Variants in NUP210L observed in about 807,000 individuals in gnomAD.
The protein encoded by NUP210L is nuclear pore membrane glycoprotein 210-like.
Under a neutral mutation model 208.5 loss-of-function variants are expected in NUP210L, and 74 were observed. That is an observed-to-expected ratio of 0.35 (90% CI 0.29 to 0.43). The LOEUF is 0.43. Among genes scored for constraint, NUP210L ranks in the 20% least tolerant of loss-of-function variants. The probability of loss-of-function intolerance (pLI) is 1.00; values close to 1 mark genes in which losing one functional copy is unlikely to be tolerated. For synonymous variants in NUP210L, 780 were observed against 816.9 expected, an observed-to-expected ratio of 0.95 and a Z score of 0.77; for missense variants, 1,843 against 2,289.4, an observed-to-expected ratio of 0.81 and a Z score of 3.98.
At chr1:153,994,053 G>GT (rs1186827233) in intron 38 of NUP210L, among the ~76,000 whole-genome samples, 1 of 149,790 alleles carries the variant, frequency 6.7e-6, no homozygotes, top group African/African-American at 2.5e-5. Context: ...TAATTTTAAA[G>GT]TTTTTTTGTA....
intron 27 of NUP210L, among the ~76,000 whole-genome samples, chr1:154,033,290 G>A (rs1652359550): frequency 6.6e-6 from 1 of 152,160 alleles, no homozygotes; most frequent in Non-Finnish European, 1.5e-5. Flanking sequence ...GGTTGCCCAT[G>A]TTTGTGGGGT....
At chr1:154,029,658 C>A (rs1252582806) in intron 28 of NUP210L, among the ~76,000 whole-genome samples, 1 of 152,080 alleles carries the variant, frequency 6.6e-6, no homozygotes, top group African/African-American at 2.4e-5. Flanking sequence ...CCATTGCACT[C>A]CAGCCTTGGC....
intron 10 of NUP210L, among the ~76,000 whole-genome samples, chr1:154,122,771 T>G (rs1571300108): frequency 6.6e-6 from 1 of 151,738 alleles, no homozygotes; most frequent in Non-Finnish European, 1.5e-5. Flanking sequence ...AGTATGGCAG[T>G]TCCAGGGCCA....
chr1:154,003,879 C>T (rs1281060230), intron 35 of NUP210L, among the ~76,000 whole-genome samples: 1 of 152,086 alleles, frequency 6.6e-6, no homozygotes, highest in East Asian at 1.9e-4. Context: ...GACATCTGCC[C>T]CTTCTTAGTA....
At chr1:154,140,350 CAAA>C (rs375907073) in intron 4 of NUP210L, among the ~76,000 whole-genome samples, 13 of 71,482 alleles carry the variant, frequency 1.8e-4, no homozygotes, top group Admixed American at 5.1e-4. Context: ...GACTCCGTCT[CAAA>C]AAAAAAAAAA....
chr1:154,135,620 A>G (rs915290661), intron 7 of NUP210L, among the ~76,000 whole-genome samples, 194 bp downstream of exon 7: 2 of 151,834 alleles, frequency 1.3e-5, no homozygotes, highest in African/African-American at 4.8e-5. Context: ...TCAGGGTTTC[A>G]CCGTGTTAGC....
chr1:154,073,234 T>C (rs572155655), intron 16 of NUP210L, among the ~76,000 whole-genome samples: 2 of 152,186 alleles, frequency 1.3e-5, no homozygotes, highest in African/African-American at 4.8e-5. Context: ...ATCACCTTAC[T>C]GCTGCAAGAA....
At chr1:154,023,990 C>T (rs562093247) in intron 30 of NUP210L, among the ~76,000 whole-genome samples, 93 of 151,770 alleles carry the variant, frequency 6.1e-4, no homozygotes, top group African/African-American at 2.2e-3. Flanking sequence ...GGGGTTTCAC[C>T]ATCTTGGCCA....
chr1:154,021,162 G>A (rs1055715704), intron 32 of NUP210L, among the ~76,000 whole-genome samples: 12 of 152,010 alleles, frequency 7.9e-5, no homozygotes, highest in African/African-American at 1.9e-4. Context: ...GGATGGTCTC[G>A]ATCTCTTGAC....
At position 154,125,905 on chromosome 1, in the gene NUP210L, C is replaced by A. The variant is rs1369180916; in HGVS notation, c.1326+418G>T. ...GCCTCAGCCTCCCAAGTAGCTGGAA[C>A]TACAGGCGCCCGCCACCGCGCCCGG... On this transcript the variant is annotated intron_variant, in intron 10 of 39. Coordinates refer to ENST00000368559, the Ensembl canonical transcript of NUP210L. Among the ~76,000 whole-genome samples, 9 of 150,842 alleles carry A rather than the reference C, an allele frequency of 6.0e-5. No individual in the cohort carries two copies. The East Asian group carries it at 1.2e-3, about 20-fold the overall frequency.
chr1:154,028,838 T>C (rs991838201), intron 28 of NUP210L, among the ~76,000 whole-genome samples: 2 of 152,046 alleles, frequency 1.3e-5, no homozygotes, highest in Non-Finnish European at 2.9e-5. Context: ...CTCACGTCTG[T>C]AATCCTAGCA....
chr1:153,995,143 A>G, exon 38 of NUP210L: 1 of 1,614,066 alleles, frequency 6.2e-7, no homozygotes, highest in Non-Finnish European at 8.5e-7. Flanking sequence ...GGTAAGAGCC[A>G]GTGAACCGCT....
chr1:154,002,053 T>C, intron 35 of NUP210L, 68 bp from the exon 36 acceptor site: 1 of 1,512,334 alleles, frequency 6.6e-7, no homozygotes, highest in East Asian at 2.3e-5. Context: ...TGAATTAGGA[T>C]AGGAAGGGAA....
At chr1:153,995,211 T>TAGCAACCA (rs1411891984) in intron 37 of NUP210L, 31 bp from the exon 38 acceptor site, 1 of 1,453,778 alleles carries the variant, frequency 6.9e-7, no homozygotes, top group African/African-American at 1.4e-5. Flanking sequence ...AACAAGATAA[T>TAGCAACCA]AGTTAATAGC....
At chr1:154,036,730 A>G (rs559156976) in intron 27 of NUP210L, among the ~76,000 whole-genome samples, 64 of 152,104 alleles carry the variant, frequency 4.2e-4, no homozygotes, top group African/African-American at 1.5e-3. Context: ...CAGGGGCACC[A>G]TTATAGCTCA....
chr1:154,065,685 G>T (rs1169487779), intron 17 of NUP210L, among the ~76,000 whole-genome samples: 1 of 151,978 alleles, frequency 6.6e-6, no homozygotes, highest in East Asian at 1.9e-4. Flanking sequence ...CTGAGCTCAG[G>T]AGCTCGAGAC....
chr1:154,066,076 A>G (rs916384875), intron 17 of NUP210L, among the ~76,000 whole-genome samples: 3 of 152,144 alleles, frequency 2.0e-5, no homozygotes, highest in Non-Finnish European at 2.9e-5. Flanking sequence ...TTTGAAATCA[A>G]TGAGAACAAA....
intron 27 of NUP210L, chr1:154,040,059 A>C (rs1324564800): frequency 6.6e-6 from 1 of 152,128 alleles, no homozygotes; most frequent in Non-Finnish European, 1.5e-5. Flanking sequence ...CGCTCTATCT[A>C]TCACTCAGGC....
chr1:154,063,305 G>C (rs1432837636), intron 17 of NUP210L, among the ~76,000 whole-genome samples: 5 of 152,180 alleles, frequency 3.3e-5, no homozygotes, highest in Non-Finnish European at 1.5e-5. Context: ...GAAGATGTGA[G>C]AAAAGCATGT....
Sources: gnomAD v4.1 joint callset for allele counts (sites outside exome capture counted in the v4.1 genomes callset) on GRCh38, gnomAD v4.1.1 for gene constraint, MANE v1.5 for transcripts, NCBI Gene and HGNC (gene_info 2026-07-23, HGNC 2026-07-21) for gene names.